DNER: variants seen among roughly 807,000 people sequenced by gnomAD.
DNER encodes the protein delta/notch like EGF repeat containing.
In DNER, 33 loss-of-function variants were observed where a neutral mutation model predicts 78.2. That is an observed-to-expected ratio of 0.42 (90% CI 0.32 to 0.56). DNER has a LOEUF of 0.56. Ranked by LOEUF, DNER falls within the 20% of genes least tolerant of loss-of-function variation. The probability of loss-of-function intolerance (pLI) is 0.11; values close to 1 mark genes in which losing one functional copy is unlikely to be tolerated. For missense variants in DNER, 918 were observed against 975.3 expected, an observed-to-expected ratio of 0.94 and a Z score of 0.78; for synonymous variants, 417 against 384.8, an observed-to-expected ratio of 1.08 and a Z score of -0.98.
intron 1 of DNER, among the ~76,000 whole-genome samples, chr2:229,684,402 C>T (rs568428424): frequency 6.6e-6 from 1 of 152,076 alleles, no homozygotes; most frequent in East Asian, 1.9e-4. Flanking sequence ...CTCCTCTACC[C>T]GGATTTCAAA....
chr2:229,568,723 T>C (rs1697157785), intron 4 of DNER, among the ~76,000 whole-genome samples: 1 of 152,122 alleles, frequency 6.6e-6, no homozygotes, highest in East Asian at 1.9e-4. Context: ...CGTTTCCTTT[T>C]TTTTAAAATT....
intron 9 of DNER, among the ~76,000 whole-genome samples, chr2:229,411,471 T>G (rs1693517225): frequency 6.6e-6 from 1 of 152,012 alleles, no homozygotes; most frequent in African/African-American, 2.4e-5. Context: ...ACAGGAGGAT[T>G]GCTTGAACCA....
chr2:229,379,849 T>C (rs1217358936), intron 11 of DNER, among the ~76,000 whole-genome samples: 1 of 152,214 alleles, frequency 6.6e-6, no homozygotes, highest in East Asian at 1.9e-4. Flanking sequence ...TAACATCCTA[T>C]AACTACAGTC....
intron 10 of DNER, among the ~76,000 whole-genome samples, chr2:229,400,442 T>C (rs1303156702): frequency 6.6e-6 from 1 of 151,892 alleles, no homozygotes; most frequent in Admixed American, 6.6e-5. Context: ...CAGAGATCCT[T>C]AGAGAAATGA....
chr2:229,683,612 T>C (rs1168069146), intron 1 of DNER, among the ~76,000 whole-genome samples: 1 of 152,164 alleles, frequency 6.6e-6, no homozygotes, highest in East Asian at 1.9e-4. Context: ...TTCCTGATGA[T>C]GATGACAATG....
At chr2:229,490,639 T>C (rs1695379312) in intron 6 of DNER, among the ~76,000 whole-genome samples, 1 of 152,072 alleles carries the variant, frequency 6.6e-6, no homozygotes, top group Admixed American at 6.5e-5. Flanking sequence ...TCAGGGGTGA[T>C]AAAATGCCCT....
chr2:229,602,841 T>C (rs1009894768), intron 1 of DNER, among the ~76,000 whole-genome samples: 16 of 152,318 alleles, frequency 1.1e-4, no homozygotes, highest in Admixed American at 3.9e-4. Flanking sequence ...AAATTTTTCT[T>C]AACCTACAAG....
intron 1 of DNER, among the ~76,000 whole-genome samples, chr2:229,644,474 C>T (rs958948112): frequency 1.7e-4 from 25 of 151,118 alleles, no homozygotes; most frequent in African/African-American, 6.1e-4. Context: ...CTCCTGTAAT[C>T]CCAGCTACGC....
intron 8 of DNER, among the ~76,000 whole-genome samples, chr2:229,426,036 T>C (rs558598187): frequency 6.6e-6 from 1 of 152,350 alleles, no homozygotes; most frequent in African/African-American, 2.4e-5. Context: ...ACTCAAAGGA[T>C]GTTTTCCCTT....
chr2:229,525,653 C>T (rs963379253), intron 5 of DNER, among the ~76,000 whole-genome samples: 1 of 152,104 alleles, frequency 6.6e-6, no homozygotes, highest in Admixed American at 6.6e-5. Context: ...GCTCTTGTTG[C>T]CTGGGCGGGA....
intron 6 of DNER, among the ~76,000 whole-genome samples, chr2:229,484,993 CA>C (rs1695239888): frequency 6.6e-6 from 1 of 152,102 alleles, no homozygotes; most frequent in Non-Finnish European, 1.5e-5. Flanking sequence ...TACATTGACC[CA>C]AAACCCTAAG....
chr2:229,383,462 A>G (rs1056714223), intron 11 of DNER, among the ~76,000 whole-genome samples: 4 of 152,254 alleles, frequency 2.6e-5, no homozygotes, highest in Non-Finnish European at 5.9e-5. Context: ...AAAGACACAC[A>G]GTGGCAAATT....
chr2:229,534,511 G>A (rs1696368966), intron 5 of DNER, among the ~76,000 whole-genome samples: 1 of 152,220 alleles, frequency 6.6e-6, no homozygotes, highest in Admixed American at 6.5e-5. Context: ...AAATTTTGGA[G>A]TATTTTCTAG....
At chr2:229,387,199 C>G (rs1455303293) in intron 11 of DNER, among the ~76,000 whole-genome samples, 1 of 152,032 alleles carries the variant, frequency 6.6e-6, no homozygotes, top group Admixed American at 6.6e-5. Flanking sequence ...AGCTGGAAAC[C>G]ATCATTCTCA....
At chr2:229,652,578 A>G (rs1698839030) in intron 1 of DNER, among the ~76,000 whole-genome samples, 1 of 152,222 alleles carries the variant, frequency 6.6e-6, no homozygotes, top group South Asian at 2.1e-4. Context: ...GGTGAGCTGA[A>G]AGAGATACCA....
chr2:229,420,813 G>A (rs1272307322), intron 8 of DNER, among the ~76,000 whole-genome samples: 1 of 152,210 alleles, frequency 6.6e-6, no homozygotes, highest in East Asian at 1.9e-4. Flanking sequence ...TTTGTGCACT[G>A]TTGGTAGGAA....
chr2:229,704,267 A>C (rs529285177), intron 1 of DNER, among the ~76,000 whole-genome samples: 1 of 152,362 alleles, frequency 6.6e-6, no homozygotes, highest in East Asian at 1.9e-4. Flanking sequence ...ATGCAATGGT[A>C]CACCTCTTCT....
At chr2:229,461,614 T>C (rs1325483547) in intron 7 of DNER, among the ~76,000 whole-genome samples, 1 of 151,976 alleles carries the variant, frequency 6.6e-6, no homozygotes, top group African/African-American at 2.4e-5. Flanking sequence ...ATAAAAATAA[T>C]AGTAGTATTT....
intron 11 of DNER, among the ~76,000 whole-genome samples, chr2:229,386,051 T>A (rs905378669): frequency 6.6e-5 from 10 of 152,108 alleles, no homozygotes; most frequent in African/African-American, 2.4e-4. Context: ...GGAGGCATCA[T>A]GTTACCTGAT....
Sources: gnomAD v4.1 joint callset for allele counts (sites outside exome capture counted in the v4.1 genomes callset) on GRCh38, gnomAD v4.1.1 for gene constraint, MANE v1.5 for transcripts, NCBI Gene and HGNC (gene_info 2026-07-23, HGNC 2026-07-21) for gene names.